OGDH: variants seen among roughly 807,000 people sequenced by gnomAD.
The protein encoded by OGDH is oxoglutarate dehydrogenase.
A neutral mutation model predicts 116.6 loss-of-function variants in OGDH; 38 were observed. That is an observed-to-expected ratio of 0.33 (90% CI 0.25 to 0.43). OGDH has a LOEUF of 0.43. OGDH is among the 20% of genes least tolerant of loss of function. The pLI is 1.00. For synonymous variants in OGDH, 488 were observed against 533.3 expected, an observed-to-expected ratio of 0.92 and a Z score of 1.17; for missense variants, 825 against 1,357.2, an observed-to-expected ratio of 0.61 and a Z score of 6.16.
At chr7:44,642,641 AG>A (rs779611047) in intron 2 of OGDH, among the ~76,000 whole-genome samples, 1 of 152,196 alleles carries the variant, frequency 6.6e-6, no homozygotes, top group Non-Finnish European at 1.5e-5. Flanking sequence ...AACATTTTAA[AG>A]GCCAGGTGCA....
chr7:44,703,161 A>T (rs1176390845), intron 20 of OGDH, among the ~76,000 whole-genome samples: 1 of 152,060 alleles, frequency 6.6e-6, no homozygotes, highest in Non-Finnish European at 1.5e-5. Context: ...CATGCCTATA[A>T]TCCCAGCACT....
At chr7:44,629,580 C>CTTTTTTTTTTTT (rs71701992) in intron 2 of OGDH, among the ~76,000 whole-genome samples, 2 of 60,038 alleles carry the variant, frequency 3.3e-5, no homozygotes, top group Admixed American at 1.8e-4. Context: ...TTTTTCTTTT[C>CTTTTTTTTTTTT]TTTTTTTTTT....
chr7:44,697,627 G>T lies in OGDH; in HGVS notation c.2203G>T (p.Ala735Ser). Residue 735 changes from alanine (A) to serine (S), a missense_variant, in exon 17 of 23, where the codon GCC becomes TCC. Ala to Ser is a moderately conservative substitution (Grantham distance 99, BLOSUM62 1). Around this residue, in one of 7 missense-constraint regions of OGDH, gnomAD observed 73 missense variants for 182.3 expected, o/e 0.40. Coordinates refer to ENST00000222673, the MANE Select transcript of OGDH (RefSeq NM_002541.4). The surrounding 1 kb of genome is among the most constrained non-coding windows in gnomAD (Gnocchi z 6.0). Reference protein sequence around the residue: ...VLGFELGFAMASPNALVLWEA... With the variant: ...VLGFELGFAMSSPNALVLWEA... ...AGGCTTTGAGCTGGGCTTCGCCATG[G>T]CCAGTCCTAATGCCCTGGTCCTCTG... The T allele has an allele frequency of 6.2e-7, 1 of 1,614,246 alleles. No individual in the cohort carries two copies. The highest frequency in any genetic ancestry group is 8.5e-7 in the Non-Finnish European group (1 of 1,180,050).
At chr7:44,613,846 G>A (rs114972322) in intron 1 of OGDH, among the ~76,000 whole-genome samples, 1,461 of 109,992 alleles carry the variant, frequency 0.013, 25 homozygotes, top group African/African-American at 0.048. Flanking sequence ...TGCTGTTGTT[G>A]CACAGGCTGG....
chr7:44,643,279 G>C (rs1344106344), intron 2 of OGDH, among the ~76,000 whole-genome samples: 1 of 152,028 alleles, frequency 6.6e-6, no homozygotes, highest in Admixed American at 6.6e-5. Context: ...CCCAGCTACA[G>C]TGGTTTTTAG....
intron 18 of OGDH, 29 bp downstream of exon 18, chr7:44,698,292 C>T: frequency 6.2e-7 from 1 of 1,609,826 alleles, no homozygotes. Context: ...GTCAGCCCAG[C>T]CATTCTCGGG....
intron 10 of OGDH, among the ~76,000 whole-genome samples, chr7:44,690,153 A>G (rs549889607): frequency 7.2e-5 from 11 of 152,378 alleles, no homozygotes; most frequent in African/African-American, 2.6e-4. Context: ...GTGGGTGGCT[A>G]CAATTACCCA....
chr7:44,708,032 C>CT lies in OGDH; in HGVS notation c.*34dup. ...CTAGGGTTGCTTGGGCCACTGCCCTCTCCACACCCATGACTGCCCCTTGCT... is the reference window on the plus strand; with the variant it reads ...CTAGGGTTGCTTGGGCCACTGCCCTCTTCCACACCCATGACTGCCCCTTGCT... On this transcript the variant is annotated 3_prime_UTR_variant, in exon 23 of 23. Transcript: ENST00000222673. 1 of 1,603,082 alleles carries CT rather than the reference C, an allele frequency of 6.2e-7. No homozygotes were observed. The highest frequency in any genetic ancestry group is 1.1e-5 in the South Asian group (1 of 90,352).
intron 1 of OGDH, among the ~76,000 whole-genome samples, chr7:44,616,828 T>C (rs1415591896): frequency 1.5e-5 from 2 of 133,644 alleles, no homozygotes; most frequent in Non-Finnish European, 1.6e-5. Flanking sequence ...TATATATGTG[T>C]ATATATACAC....
At chr7:44,610,306 G>T (rs545937032) in intron 1 of OGDH, among the ~76,000 whole-genome samples, 3,193 of 150,112 alleles carry the variant, frequency 0.021, 43 homozygotes, top group Middle Eastern at 0.065. Flanking sequence ...TTTTTTTTTT[G>T]TTTGTTTGTT....
intron 2 of OGDH, among the ~76,000 whole-genome samples, chr7:44,631,612 T>C (rs1270045686): frequency 6.6e-6 from 1 of 152,186 alleles, no homozygotes; most frequent in Non-Finnish European, 1.5e-5. Context: ...TTTAGGGTGA[T>C]AAAATTATAA....
intron 2 of OGDH, among the ~76,000 whole-genome samples, chr7:44,638,204 G>C (rs1785761181): frequency 6.6e-6 from 1 of 152,192 alleles, no homozygotes; most frequent in Admixed American, 6.5e-5. Context: ...AGCCAATTAA[G>C]AGATTGGAGA....
At chr7:44,695,055 G>A (rs1788520095) in intron 12 of OGDH, among the ~76,000 whole-genome samples, 1 of 152,116 alleles carries the variant, frequency 6.6e-6, no homozygotes, top group Middle Eastern at 3.2e-3. Context: ...ATAGCCTGTA[G>A]CCTATGCTGG....
At chr7:44,616,773 A>ATG (rs1239045013) in intron 1 of OGDH, among the ~76,000 whole-genome samples, 13 of 144,942 alleles carry the variant, frequency 9.0e-5, no homozygotes, top group East Asian at 4.0e-4. Context: ...ATACACGTAT[A>ATG]TGTGTATATG....
At chr7:44,657,293 T>G (rs1185570687) in intron 4 of OGDH, among the ~76,000 whole-genome samples, 1 of 152,250 alleles carries the variant, frequency 6.6e-6, no homozygotes, top group Non-Finnish European at 1.5e-5. Context: ...ACCACTATTT[T>G]GTTCTCCATT....
intron 5 of OGDH, among the ~76,000 whole-genome samples, chr7:44,667,502 C>T (rs768282037): frequency 1.3e-5 from 2 of 152,186 alleles, no homozygotes; most frequent in Non-Finnish European, 2.9e-5. Context: ...TCCCTCTGTT[C>T]CTCTCATCCT....
At chr7:44,669,643 AT>A (rs1244864390) in intron 5 of OGDH, among the ~76,000 whole-genome samples, 1 of 152,046 alleles carries the variant, frequency 6.6e-6, no homozygotes, top group African/African-American at 2.4e-5. Context: ...ATTTCATCAT[AT>A]GAAGGGGGTG....
chr7:44,668,545 C>T (rs1054331903), intron 5 of OGDH, among the ~76,000 whole-genome samples: 10 of 152,180 alleles, frequency 6.6e-5, no homozygotes, highest in Admixed American at 3.3e-4. Context: ...TCACCGCCTG[C>T]CTTCCTCACT....
rs192923312 is a variant in OGDH, at chr7:44,617,815, C to T, written c.-27-6502C>T. ...ATGTAATGATGTGTGGGTTTTTTTC[C>T]CTCAAAGACTTATTTACTGAGAAAC... On this transcript the variant is annotated intron_variant, in intron 1 of 22. Coordinates refer to ENST00000222673, the MANE Select transcript of OGDH (RefSeq NM_002541.4). Among the ~76,000 whole-genome samples the T allele has an allele frequency of 4.3e-3, 652 of 152,160 alleles. 5 individuals are homozygous for T. Among genetic ancestry groups the T allele is most frequent in the Non-Finnish European group, 3.5e-3 (238 of 67,994 alleles).
Sources: gnomAD v4.1 joint callset for allele counts (sites outside exome capture counted in the v4.1 genomes callset) on GRCh38, gnomAD v4.1.1 for gene constraint, gnomAD v4.1.1 regional missense constraint, Gnocchi (gnomAD v3.1) non-coding constraint, MANE v1.5 for transcripts, NCBI Gene and HGNC (gene_info 2026-07-23, HGNC 2026-07-21) for gene names.